The following CDK12 variants were observed in gnomAD, a reference collection of about 807,000 sequenced individuals.
CDK12 encodes the protein cyclin dependent kinase 12.
CDK12 carries 17 observed loss-of-function variants against 133.8 expected under a neutral mutation model. That is an observed-to-expected ratio of 0.13 (90% CI 0.09 to 0.19). CDK12 has a LOEUF of 0.19. Among genes scored for constraint, CDK12 ranks in the 10% least tolerant of loss-of-function variants. The pLI is 1.00. For synonymous variants in CDK12, 694 were observed against 683.6 expected, an observed-to-expected ratio of 1.02 and a Z score of -0.24; for missense variants, 1,508 against 1,818.7, an observed-to-expected ratio of 0.83 and a Z score of 3.11.
rs896109825 is a variant in CDK12, at chr17:39,532,795, G to A, written c.*1479G>A. On this transcript the variant is annotated 3_prime_UTR_variant, in exon 14 of 14. Coordinates refer to ENST00000447079, the MANE Select transcript of CDK12 (RefSeq NM_016507.4). ...ATAAACAGGAAATGAAAAAGGGAAG[G>A]GCTGTCAGGATGGGATAATTTGGGA... 1 of 232,528 alleles carries A rather than the reference G, an allele frequency of 4.3e-6. No homozygotes were observed. The highest frequency in any genetic ancestry group is 8.5e-6 in the Non-Finnish European group (1 of 117,696). 14.4% of individuals were successfully genotyped at this position (232,528 alleles called of 1,614,324 possible). A position where few individuals can be genotyped will look rare whatever the true frequency, so the allele number is the denominator to read the frequency against.
At chr17:39,482,746 G>C (rs553736621) in intron 2 of CDK12, among the ~76,000 whole-genome samples, 1 of 151,582 alleles carries the variant, frequency 6.6e-6, no homozygotes, top group East Asian at 1.9e-4. Flanking sequence ...GGGATTACAG[G>C]CATGTGCCAC....
At chr17:39,544,714 C>T (rs2055596435), upstream of CDK12, among the ~76,000 whole-genome samples, 1 of 151,028 alleles carries the variant, frequency 6.6e-6, no homozygotes, top group Non-Finnish European at 1.5e-5. Flanking sequence ...ACCGCAACCT[C>T]CGCCTCCCGG....
rs892668876 is a variant in CDK12 at position 39,533,626 on chromosome 17, C to G, written c.*2310C>G. ...TCTTATTTTTAATTATGCCAAATAT[C>G]CTAAATAATATACTTAAGCCTCCAT... is the stretch of plus-strand genomic sequence containing the variant. On this transcript the variant is annotated 3_prime_UTR_variant, in exon 14 of 14. Coordinates refer to ENST00000447079, the MANE Select transcript of CDK12 (RefSeq NM_016507.4). 5 of 233,078 alleles carry G rather than the reference C, an allele frequency of 2.1e-5. No individual in the cohort carries two copies. The South Asian group carries it at 9.1e-4, about 42-fold the overall frequency. 14.4% of individuals were successfully genotyped at this position (233,078 alleles called of 1,614,324 possible).
Position 39,525,851 on chromosome 17 carries a change from T to C in CDK12, c.3308-13T>C. On this transcript the variant is annotated splice_polypyrimidine_tract_variant and intron_variant, in intron 12 of 13. Transcript: ENST00000447079. ...TCTCATCGTCTTATATTGGCTTCAC[T>C]GTCTTTCAACAGGCCTTGCTGACAT... is the stretch of plus-strand genomic sequence containing the variant. The C allele has an allele frequency of 6.2e-7, 1 of 1,606,646 alleles. No individual in the cohort carries two copies. Among genetic ancestry groups the C allele is most frequent in the Non-Finnish European group, 8.5e-7 (1 of 1,174,700 alleles).
At chr17:39,521,645 C>T (rs2054175938) in intron 11 of CDK12, among the ~76,000 whole-genome samples, 1 of 151,840 alleles carries the variant, frequency 6.6e-6, no homozygotes. Flanking sequence ...CTGCAACCTC[C>T]ATCTCCTGGA....
At position 39,461,956 on chromosome 17, in the gene CDK12, C is replaced by A; in HGVS notation, c.-116C>A. The A allele has an allele frequency of 1.2e-6, 1 of 803,462 alleles. No homozygotes were observed. The highest frequency in any genetic ancestry group is 2.0e-6 in the Non-Finnish European group (1 of 505,978). 49.8% of individuals were successfully genotyped at this position (803,462 alleles called of 1,614,324 possible). A position where few individuals can be genotyped will look rare whatever the true frequency, so the allele number is the denominator to read the frequency against. ...CCTGGGCTACCGTCCCTGCCCTCCC[C>A]ACCCCCTTCCCGGGGCGCTTTGGTG... is the stretch of plus-strand genomic sequence containing the variant. On this transcript the variant is annotated 5_prime_UTR_variant, in exon 1 of 14. Transcript: ENST00000447079.
At chr17:39,559,754 T>C (rs972460295) in intron 3 of CDK12, among the ~76,000 whole-genome samples, 6 of 151,108 alleles carry the variant, frequency 4.0e-5, no homozygotes, top group African/African-American at 1.5e-4. Context: ...TGGGAGGATC[T>C]CTTGAGCCTG....
rs961548858 is a variant in CDK12 at position 39,517,571 on chromosome 17, A to G, written c.2963+15A>G. The G allele has an allele frequency of 1.4e-6, 2 of 1,450,250 alleles. No homozygotes were observed. The highest frequency in any genetic ancestry group is 1.7e-5 in the Admixed American group (1 of 59,608). 89.8% of individuals were successfully genotyped at this position (1,450,250 alleles called of 1,614,324 possible). The stretch of plus-strand genomic sequence containing the variant: ...GAATTCTCTTTGTGAGTTTGGGGAA[A>G]ATGAACATCTCGTTTCTGTGTCTGG... On this transcript the variant is annotated intron_variant, in intron 10 of 13. Transcript: ENST00000447079.
Position 39,531,405 on chromosome 17 carries a change from C to T in CDK12, c.*89C>T, listed in dbSNP as rs1483446477. 8 of 1,262,788 alleles carry T rather than the reference C, an allele frequency of 6.3e-6. No homozygotes were observed. Among genetic ancestry groups the T allele is most frequent in the Middle Eastern group, 2.1e-4 (1 of 4,682 alleles). 78.2% of individuals were successfully genotyped at this position (1,262,788 alleles called of 1,614,324 possible). A position where few individuals can be genotyped will look rare whatever the true frequency, so the allele number is the denominator to read the frequency against. On this transcript the variant is annotated 3_prime_UTR_variant, in exon 14 of 14. Coordinates refer to ENST00000447079, the MANE Select transcript of CDK12 (RefSeq NM_016507.4). ...TCTTTAATGAAATCATTTGCCAGAG[C>T]GAGGTAATCATCTGCATTTGGCTAC... is the stretch of plus-strand genomic sequence containing the variant.
At chr17:39,560,730 C>G (rs1406554557) in intron 3 of CDK12, among the ~76,000 whole-genome samples, 2 of 152,180 alleles carry the variant, frequency 1.3e-5, no homozygotes, top group Admixed American at 1.3e-4. Context: ...AAGAGCGGCA[C>G]AGGCCATGTG....
At chr17:39,480,604 G>T (rs2050568050) in intron 2 of CDK12, among the ~76,000 whole-genome samples, 1 of 152,014 alleles carries the variant, frequency 6.6e-6, no homozygotes, top group African/African-American at 2.4e-5. Context: ...TGTATGTGTA[G>T]TAGAGAGAGG....
intron 5 of CDK12, among the ~76,000 whole-genome samples, chr17:39,500,040 TAA>T (rs1468330899): frequency 2.6e-5 from 4 of 152,170 alleles, no homozygotes; most frequent in Non-Finnish European, 5.9e-5. Context: ...TAAAGTCTAG[TAA>T]GACAGGCTGA....
intron 2 of CDK12, among the ~76,000 whole-genome samples, chr17:39,477,351 T>G (rs1051025417): frequency 4.6e-5 from 7 of 151,918 alleles, no homozygotes; most frequent in Non-Finnish European, 8.8e-5. Flanking sequence ...TTTTCCTGCC[T>G]CAGCCTCCCA....
chr17:39,468,823 A>G (rs2049560338), intron 1 of CDK12, among the ~76,000 whole-genome samples: 1 of 148,148 alleles, frequency 6.8e-6, no homozygotes, highest in Non-Finnish European at 1.5e-5. Flanking sequence ...TTATTTATTT[A>G]TTTATTTTGA....
chr17:39,519,395 G>A (rs961646240), intron 10 of CDK12, among the ~76,000 whole-genome samples: 2 of 122,902 alleles, frequency 1.6e-5, no homozygotes, highest in Non-Finnish European at 3.2e-5. Flanking sequence ...TGCAACCTCC[G>A]CCTCCTGGGT....
chr17:39,468,606 G>T (rs1039890871), intron 1 of CDK12, among the ~76,000 whole-genome samples: 2 of 151,846 alleles, frequency 1.3e-5, no homozygotes, highest in African/African-American at 4.8e-5. Flanking sequence ...CTCCCGAGTA[G>T]CTGGGATTAC....
intron 13 of CDK12, among the ~76,000 whole-genome samples, chr17:39,527,220 G>T (rs763637824): frequency 2.0e-5 from 3 of 152,250 alleles, no homozygotes; most frequent in Non-Finnish European, 2.9e-5. Flanking sequence ...ATGAGGTGGT[G>T]CAGAAAGTAT....
At chr17:39,565,231 A>G (rs2056527715), downstream of CDK12, among the ~76,000 whole-genome samples, 1 of 152,174 alleles carries the variant, frequency 6.6e-6, no homozygotes, top group Non-Finnish European at 1.5e-5. Context: ...CTCCTGCCTC[A>G]GCCTCCTGAG....
At chr17:39,541,733 C>T (rs1399669269) in intron 1 of CDK12, among the ~76,000 whole-genome samples, 1 of 152,152 alleles carries the variant, frequency 6.6e-6, no homozygotes, top group East Asian at 1.9e-4. Flanking sequence ...GAAAGGTAGG[C>T]ATCTATAGGG....
Sources: allele counts gnomAD v4.1 joint callset (sites outside exome capture counted in the v4.1 genomes callset), GRCh38; gene constraint gnomAD v4.1.1; transcripts MANE v1.5; gene names NCBI Gene and HGNC (gene_info 2026-07-23, HGNC 2026-07-21).